Variants in GRM3 observed in about 807,000 individuals in gnomAD.
GRM3 encodes glutamate metabotropic receptor 3.
In GRM3, 26 loss-of-function variants were observed where a neutral mutation model predicts 70.5. The observed-to-expected ratio is 0.37, with a 90% confidence interval of 0.27 to 0.51. GRM3 has a LOEUF of 0.51. Ranked by LOEUF, GRM3 falls within the 20% of genes least tolerant of loss-of-function variation. GRM3 has a pLI of 0.93. For missense variants in GRM3, 859 were observed against 1,123.8 expected (o/e 0.76, Z 3.37); for synonymous variants, 443 against 434.9 (o/e 1.02, Z -0.23).
intron 1 of GRM3, among the ~76,000 whole-genome samples, chr7:86,672,235 A>G (rs1487465226): frequency 2.6e-5 from 4 of 152,154 alleles, no homozygotes; most frequent in Non-Finnish European, 5.9e-5. Flanking sequence ...GACTCTTAGG[A>G]AGCCTGTAGT....
At chr7:86,669,947 C>T (rs550465531) in intron 1 of GRM3, among the ~76,000 whole-genome samples, 1 of 152,294 alleles carries the variant, frequency 6.6e-6, no homozygotes, top group South Asian at 2.1e-4. Context: ...ATCAGCAACA[C>T]ATTCCAAATC....
chr7:86,718,812 GA>G (rs774408382), intron 1 of GRM3, among the ~76,000 whole-genome samples: 1 of 151,948 alleles, frequency 6.6e-6, no homozygotes, highest in African/African-American at 2.4e-5. Context: ...AAACATTACT[GA>G]AAAAAACTTA....
chr7:86,817,025 G>GA (rs1426911752), intron 3 of GRM3, among the ~76,000 whole-genome samples: 1 of 151,558 alleles, frequency 6.6e-6, no homozygotes, highest in Admixed American at 6.6e-5. Flanking sequence ...CAAGGAAACT[G>GA]AAAAAAACAG....
chr7:86,816,708 G>T (rs1283371465), intron 3 of GRM3, among the ~76,000 whole-genome samples: 1 of 151,804 alleles, frequency 6.6e-6, no homozygotes. Flanking sequence ...TGGGCATTTT[G>T]GTTGATTCCA....
intron 1 of GRM3, among the ~76,000 whole-genome samples, chr7:86,690,088 A>G (rs1190877590): frequency 1.3e-5 from 2 of 152,182 alleles, no homozygotes; most frequent in African/African-American, 2.4e-5. Context: ...TTCCACGACA[A>G]ACAATGACAG....
intron 1 of GRM3, among the ~76,000 whole-genome samples, chr7:86,744,561 C>T (rs552531021): frequency 4.0e-5 from 6 of 151,690 alleles, no homozygotes; most frequent in South Asian, 4.2e-4. Flanking sequence ...TGTCATGGGT[C>T]GCCCCTAGGG....
In GRM3 at chr7:86,786,164, AG is replaced by A; in HGVS notation, c.469-94del. 1.0e-6 allele frequency: 1 copy of A among 999,850 alleles called. No homozygotes were observed. Among genetic ancestry groups the A allele is most frequent in the Non-Finnish European group, 1.5e-6 (1 of 666,316 alleles). 61.9% of individuals were successfully genotyped at this position (999,850 alleles called of 1,614,324 possible). The stretch of plus-strand genomic sequence containing the variant: ...TGTAGCCATCTAGAGTAGAGGGAAA[AG>A]GGAGTCAGTAAAAGGTGTGGATGCT... On this transcript the variant is annotated intron_variant, in intron 2 of 5. Transcript: ENST00000361669. This position sits in a 1 kb window ranked among gnomAD's most constrained non-coding sequence, Gnocchi z 6.0.
intron 1 of GRM3, among the ~76,000 whole-genome samples, chr7:86,660,009 A>G (rs772385539): frequency 5.3e-5 from 8 of 152,066 alleles, no homozygotes; most frequent in Non-Finnish European, 8.8e-5. Context: ...TGGTCAGGAA[A>G]GAAAACTGTC....
In GRM3 at chr7:86,822,051, T is replaced by C. The variant is rs76244781; in HGVS notation, c.1325-16788T>C. ...TGCTTCAGGTGGGGACCAGGCTAAC[T>C]ACAACGCTGATTGTGCCTATGTTGA... On this transcript the variant is annotated intron_variant, in intron 3 of 5. Coordinates refer to ENST00000361669, the MANE Select transcript of GRM3 (RefSeq NM_000840.3). 2.1e-3 allele frequency among the ~76,000 whole-genome samples: 320 copies of C among 152,206 alleles called. 3 individuals carry two copies. Among genetic ancestry groups the C allele is most frequent in the African/African-American group, 7.1e-3 (296 of 41,516 alleles).
At chr7:86,862,466 G>C (rs1341870687) in intron 5 of GRM3, among the ~76,000 whole-genome samples, 1 of 152,102 alleles carries the variant, frequency 6.6e-6, no homozygotes, top group Non-Finnish European at 1.5e-5. Context: ...GGCACATACT[G>C]TGTTACCAAT....
intron 5 of GRM3, among the ~76,000 whole-genome samples, chr7:86,857,701 A>G (rs142858617): frequency 6.6e-6 from 1 of 152,186 alleles, no homozygotes; most frequent in African/African-American, 2.4e-5. Context: ...CATGCAACTC[A>G]TATTAGTTAT....
At chr7:86,717,593 G>GTATCAAAT (rs1290415782) in intron 1 of GRM3, among the ~76,000 whole-genome samples, 2 of 151,852 alleles carry the variant, frequency 1.3e-5, no homozygotes, top group African/African-American at 2.4e-5. Flanking sequence ...CAATAAAAAA[G>GTATCAAAT]TATCAAATTC....
intron 3 of GRM3, among the ~76,000 whole-genome samples, chr7:86,821,669 C>T (rs1402228242): frequency 1.3e-5 from 2 of 152,140 alleles, no homozygotes; most frequent in African/African-American, 2.4e-5. Flanking sequence ...AGACAGGGGA[C>T]CCAGAGCAAA....
At chr7:86,688,607 G>C (rs1489078852) in intron 1 of GRM3, among the ~76,000 whole-genome samples, 1 of 151,102 alleles carries the variant, frequency 6.6e-6, no homozygotes, top group Non-Finnish European at 1.5e-5. Flanking sequence ...CAGAAGTTTA[G>C]AATGACATTA....
At chr7:86,705,079 A>T (rs1413373948) in intron 1 of GRM3, among the ~76,000 whole-genome samples, 1 of 151,976 alleles carries the variant, frequency 6.6e-6, no homozygotes, top group Non-Finnish European at 1.5e-5. Flanking sequence ...AGTTTTAATA[A>T]GGGAACTTAT....
At chr7:86,694,667 A>G (rs1794774750) in intron 1 of GRM3, among the ~76,000 whole-genome samples, 1 of 152,200 alleles carries the variant, frequency 6.6e-6, no homozygotes, top group African/African-American at 2.4e-5. Context: ...AAGGTATTAA[A>G]TACTGATCCA....
At chr7:86,722,947 A>C (rs1207132150) in intron 1 of GRM3, among the ~76,000 whole-genome samples, 1 of 152,020 alleles carries the variant, frequency 6.6e-6, no homozygotes, top group Non-Finnish European at 1.5e-5. Flanking sequence ...TTAATATAAC[A>C]TATTTATTCC....
rs557459547 is a variant in GRM3 at position 86,716,532 on chromosome 7, T to C, written c.-140-48474T>C. On this transcript the variant is annotated intron_variant, in intron 1 of 5. Coordinates refer to ENST00000361669, the MANE Select transcript of GRM3 (RefSeq NM_000840.3). ...AGAGGTCAAGATATCCTAATATCCT[T>C]ATCCACAAGGTATCCACAAGGTAAT... Among the ~76,000 whole-genome samples the C allele has an allele frequency of 1.1e-3, 166 of 151,920 alleles. 2 individuals are homozygous for C. The highest frequency in any genetic ancestry group is 0.011 in the South Asian group (51 of 4,824).
intron 1 of GRM3, among the ~76,000 whole-genome samples, chr7:86,676,389 A>T (rs1185485057): frequency 6.6e-6 from 1 of 151,662 alleles, no homozygotes; most frequent in Non-Finnish European, 1.5e-5. Flanking sequence ...TAACAAAAAA[A>T]TTAACAAGGT....
Sources: allele counts gnomAD v4.1 joint callset (sites outside exome capture counted in the v4.1 genomes callset), GRCh38; gene constraint gnomAD v4.1.1; non-coding constraint Gnocchi (gnomAD v3.1); transcripts MANE v1.5; gene names NCBI Gene and HGNC (gene_info 2026-07-23, HGNC 2026-07-21).